AFG2A: variants seen among roughly 807,000 people sequenced by gnomAD.
AFG2A encodes the protein ATPase family gene 2 protein homolog A.
chr4:123,066,396 A>G, the AFG2A span, among the ~76,000 whole-genome samples: 1 of 151,324 alleles, frequency 6.6e-6, no homozygotes, highest in Non-Finnish European at 1.5e-5. Flanking sequence ...TCATAAAATC[A>G]TAGAACTTTA....
At chr4:123,274,383 T>A in the AFG2A span, among the ~76,000 whole-genome samples, 3 of 151,880 alleles carry the variant, frequency 2.0e-5, no homozygotes, top group Non-Finnish European at 2.9e-5. Context: ...TTTTTTTTTT[T>A]AAAGAAATAG....
At chr4:123,057,439 T>C in the AFG2A span, 1 of 695,482 alleles carries the variant, frequency 1.4e-6, no homozygotes, top group Non-Finnish European at 2.3e-6. Flanking sequence ...TTTTTCCTCT[T>C]ATACCCATTA....
At chr4:123,114,982 C>T in the AFG2A span, among the ~76,000 whole-genome samples, 1 of 152,200 alleles carries the variant, frequency 6.6e-6, no homozygotes, top group Non-Finnish European at 1.5e-5. Flanking sequence ...AACTTAGTAG[C>T]AGGTCCTGCT....
At chr4:123,174,426 TA>T in the AFG2A span, among the ~76,000 whole-genome samples, 14 of 152,190 alleles carry the variant, frequency 9.2e-5, no homozygotes, top group African/African-American at 3.1e-4. Flanking sequence ...AAAATTATAA[TA>T]AGACTTTTGG....
At chr4:123,160,121 T>G in the AFG2A span, among the ~76,000 whole-genome samples, 1 of 152,056 alleles carries the variant, frequency 6.6e-6, no homozygotes, top group Non-Finnish European at 1.5e-5. Flanking sequence ...GTTGTGCTAC[T>G]TCTCTGAGAA....
the AFG2A span, among the ~76,000 whole-genome samples, chr4:123,007,407 T>C: frequency 6.6e-6 from 1 of 151,732 alleles, no homozygotes; most frequent in Non-Finnish European, 1.5e-5. Flanking sequence ...CACGTGTGAA[T>C]ATTTGGCAGC....
chr4:123,007,568 A>ATGTGTG, the AFG2A span, among the ~76,000 whole-genome samples: 763 of 91,612 alleles, frequency 8.3e-3, 6 homozygotes, highest in Middle Eastern at 0.017. Flanking sequence ...GTGTGTGTAT[A>ATGTGTG]TGTGTGTGTG....
chr4:123,036,226 T>A, the AFG2A span, among the ~76,000 whole-genome samples: 1 of 152,176 alleles, frequency 6.6e-6, no homozygotes, highest in Non-Finnish European at 1.5e-5. Flanking sequence ...ACAACTAACA[T>A]GAAGAAACAG....
At chr4:123,053,302 G>T in the AFG2A span, among the ~76,000 whole-genome samples, 1 of 152,248 alleles carries the variant, frequency 6.6e-6, no homozygotes. Flanking sequence ...AGATGGACCT[G>T]GGGTAGACCC....
chr4:123,139,173 A>G, the AFG2A span, among the ~76,000 whole-genome samples: 3 of 152,152 alleles, frequency 2.0e-5, no homozygotes, highest in African/African-American at 4.8e-5. Flanking sequence ...ATTTCCAAGT[A>G]CATAGAGTGA....
At chr4:123,012,589 T>C in the AFG2A span, among the ~76,000 whole-genome samples, 1 of 152,062 alleles carries the variant, frequency 6.6e-6, no homozygotes, top group Non-Finnish European at 1.5e-5. Context: ...CCCGCAGTGA[T>C]TAAACACCGA....
At chr4:123,262,898 G>T in the AFG2A span, among the ~76,000 whole-genome samples, 2 of 152,158 alleles carry the variant, frequency 1.3e-5, no homozygotes, top group Admixed American at 1.3e-4. Flanking sequence ...AAATGAGATA[G>T]ATGATACCCA....
At chr4:122,972,718 T>G in the AFG2A span, among the ~76,000 whole-genome samples, 2 of 152,002 alleles carry the variant, frequency 1.3e-5, no homozygotes, top group Non-Finnish European at 2.9e-5. Flanking sequence ...TTTTCAAATA[T>G]TTGTGTATTT....
At chr4:123,099,988 GAAGT>G in the AFG2A span, among the ~76,000 whole-genome samples, 1 of 151,782 alleles carries the variant, frequency 6.6e-6, no homozygotes. Flanking sequence ...AACGTGAATT[GAAGT>G]ATGTTTAATA....
the AFG2A span, among the ~76,000 whole-genome samples, chr4:123,083,069 A>G: frequency 2.0e-5 from 3 of 152,246 alleles, no homozygotes; most frequent in South Asian, 2.1e-4. Flanking sequence ...ATAATTTCAC[A>G]CTTTTTACAT....
chr4:123,046,969 T>TGG, the AFG2A span, among the ~76,000 whole-genome samples: 3 of 152,136 alleles, frequency 2.0e-5, no homozygotes, highest in Non-Finnish European at 2.9e-5. Flanking sequence ...GATGACAGGA[T>TGG]CTCATTTTTT....
At chr4:123,183,504 G>T in the AFG2A span, among the ~76,000 whole-genome samples, 7 of 152,122 alleles carry the variant, frequency 4.6e-5, no homozygotes, top group Non-Finnish European at 1.0e-4. Flanking sequence ...TATGCTACAT[G>T]TGCATTATCA....
the AFG2A span, among the ~76,000 whole-genome samples, chr4:122,956,921 G>A: frequency 1.3e-5 from 2 of 152,098 alleles, no homozygotes; most frequent in African/African-American, 4.8e-5. Flanking sequence ...GAGGCAGGGT[G>A]GTATAGTGTA....
the AFG2A span, among the ~76,000 whole-genome samples, chr4:123,060,302 G>C: frequency 2.0e-5 from 3 of 152,254 alleles, no homozygotes; most frequent in African/African-American, 7.2e-5. Flanking sequence ...CCCCAGTGGG[G>C]ACTCTGTGTG....
Sources: gnomAD v4.1 joint callset for allele counts (sites outside exome capture counted in the v4.1 genomes callset) on GRCh38, gnomAD v4.1.1 for gene constraint, MANE v1.5 for transcripts, NCBI Gene and HGNC (gene_info 2026-07-23, HGNC 2026-07-21) for gene names.